ABL2: variants seen among roughly 807,000 people sequenced by gnomAD.
The protein encoded by ABL2 is tyrosine-protein kinase ABL2.
In ABL2, 49 loss-of-function variants were observed where a neutral mutation model predicts 107.7. The observed-to-expected ratio is 0.45, with a 90% CI of 0.36 to 0.58. The LOEUF (loss-of-function observed/expected upper bound fraction) is 0.58, where lower values mean the gene tolerates loss of function less well. ABL2 is among the 20% of genes least tolerant of loss of function. The pLI is 0.00. For synonymous variants in ABL2, 549 were observed against 548.6 expected, an observed-to-expected ratio of 1.00 and a Z score of -0.01; for missense variants, 1,245 against 1,457.0, an observed-to-expected ratio of 0.85 and a Z score of 2.37.
chr1:179,173,165 G>A (rs1405809310), intron 1 of ABL2, among the ~76,000 whole-genome samples: 3 of 150,140 alleles, frequency 2.0e-5, no homozygotes, highest in Non-Finnish European at 3.0e-5. Flanking sequence ...ACTCCAGCCT[G>A]GGCGACAAGA....
At chr1:179,121,425 A>T (rs1655185818) in intron 5 of ABL2, among the ~76,000 whole-genome samples, 170 bp downstream of exon 5, 1 of 152,128 alleles carries the variant, frequency 6.6e-6, no homozygotes, top group Non-Finnish European at 1.5e-5. Flanking sequence ...TGAATAATCT[A>T]CCTCTGCATT....
intron 1 of ABL2, among the ~76,000 whole-genome samples, chr1:179,136,514 T>C (rs929435865): frequency 6.7e-6 from 1 of 150,364 alleles, no homozygotes; most frequent in African/African-American, 2.4e-5. Context: ...GAAGGCAGCA[T>C]GCTCCTTAAG....
intron 1 of ABL2, among the ~76,000 whole-genome samples, chr1:179,160,303 C>T (rs866442096): frequency 6.6e-6 from 1 of 151,806 alleles, no homozygotes; most frequent in Admixed American, 6.6e-5. Context: ...CACCTGAGGC[C>T]AGGAGTTCAA....
At chr1:179,189,212 T>A (rs550186692) in intron 1 of ABL2, among the ~76,000 whole-genome samples, 1 of 152,154 alleles carries the variant, frequency 6.6e-6, no homozygotes, top group Non-Finnish European at 1.5e-5. Flanking sequence ...CTAGGCTCAC[T>A]GCAACCTTCG....
intron 1 of ABL2, among the ~76,000 whole-genome samples, chr1:179,225,817 G>A (rs943810386): frequency 1.8e-4 from 28 of 152,056 alleles, no homozygotes; most frequent in African/African-American, 5.5e-4. Context: ...CGAAGAGGGC[G>A]GATCATGAGG....
At chr1:179,143,736 G>A (rs777279606) in intron 1 of ABL2, among the ~76,000 whole-genome samples, 62 of 152,052 alleles carry the variant, frequency 4.1e-4, no homozygotes, top group Non-Finnish European at 7.6e-4. Flanking sequence ...TCGCTCTGTC[G>A]CCCAGGCTGG....
chr1:179,197,367 A>G (rs1661377571), intron 1 of ABL2, among the ~76,000 whole-genome samples: 1 of 152,124 alleles, frequency 6.6e-6, no homozygotes. Context: ...ATAATAAAAA[A>G]TATATATTGA....
chr1:179,142,778 CTA>C (rs1197231799), intron 1 of ABL2, among the ~76,000 whole-genome samples: 2 of 152,164 alleles, frequency 1.3e-5, no homozygotes, highest in African/African-American at 2.4e-5. Flanking sequence ...TGAGATCCTA[CTA>C]TGAGATATTC....
chr1:179,112,088 G>T (rs902412866), intron 10 of ABL2, among the ~76,000 whole-genome samples: 3 of 151,554 alleles, frequency 2.0e-5, no homozygotes, highest in Non-Finnish European at 2.9e-5. Flanking sequence ...TAAATATTCA[G>T]CTATATGGTT....
chr1:179,112,028 G>C (rs1364343470), intron 10 of ABL2, among the ~76,000 whole-genome samples: 1 of 151,520 alleles, frequency 6.6e-6, no homozygotes, highest in Non-Finnish European at 1.5e-5. Flanking sequence ...CTGGGTGATA[G>C]AGTGAGACTC....
At chr1:179,154,422 A>C (rs1175963875) in intron 1 of ABL2, among the ~76,000 whole-genome samples, 1 of 152,214 alleles carries the variant, frequency 6.6e-6, no homozygotes, top group Non-Finnish European at 1.5e-5. Flanking sequence ...AAGGAAATAG[A>C]GGACTTGCTA....
intron 1 of ABL2, among the ~76,000 whole-genome samples, chr1:179,198,401 A>G (rs1038794112): frequency 8.5e-5 from 13 of 152,106 alleles, no homozygotes; most frequent in Admixed American, 8.5e-4. Context: ...TATTTTTAAA[A>G]AACCCACCCA....
At chr1:179,139,428 A>C (rs1179802728) in intron 1 of ABL2, among the ~76,000 whole-genome samples, 2 of 152,118 alleles carry the variant, frequency 1.3e-5, no homozygotes, top group Non-Finnish European at 2.9e-5. Flanking sequence ...AACAAACTCC[A>C]GACACGCCAC....
chr1:179,110,458 GT>G lies in ABL2; in HGVS notation c.1652-4del. 6.2e-7 allele frequency: 1 copy of G among 1,603,400 alleles called. No individual in the cohort carries two copies. Among genetic ancestry groups the G allele is most frequent in the South Asian group, 1.1e-5 (1 of 88,626 alleles). On this transcript the variant is annotated splice_polypyrimidine_tract_variant and splice_region_variant and intron_variant, in intron 10 of 11. Transcript: ENST00000502732. ...TCTCCCAAGCTCCTCAGCTACCTCT[GT>G]GAGGAAGACAAGGGGACCAATAAAA...
intron 1 of ABL2, among the ~76,000 whole-genome samples, chr1:179,228,358 A>G (rs1367894202): frequency 6.6e-6 from 1 of 152,256 alleles, no homozygotes; most frequent in African/African-American, 2.4e-5. Flanking sequence ...AAAAAAACAA[A>G]AACAAAAACA....
chr1:179,211,576 C>T (rs1353750257), intron 1 of ABL2, among the ~76,000 whole-genome samples: 1 of 151,670 alleles, frequency 6.6e-6, no homozygotes, highest in Non-Finnish European at 1.5e-5. Flanking sequence ...ATACAGTAAT[C>T]AAAGGAAAAA....
At chr1:179,124,464 C>CTTTTTTTTTTTTTTTTTT (rs562899587) in intron 4 of ABL2, among the ~76,000 whole-genome samples, 4 of 83,350 alleles carry the variant, frequency 4.8e-5, no homozygotes, top group Non-Finnish European at 4.1e-5. Flanking sequence ...TTAGCTTCTG[C>CTTTTTTTTTTTTTTTTTT]TTTTTTTTTT....
At chr1:179,134,837 C>A (rs1334356112) in intron 1 of ABL2, among the ~76,000 whole-genome samples, 1 of 152,224 alleles carries the variant, frequency 6.6e-6, no homozygotes, top group Non-Finnish European at 1.5e-5. Context: ...CTGCCTGATT[C>A]TCCTGCCTCA....
chr1:179,147,793 T>C (rs78235753), intron 1 of ABL2, among the ~76,000 whole-genome samples: 2 of 152,304 alleles, frequency 1.3e-5, no homozygotes, highest in South Asian at 2.1e-4. Context: ...ACTTCACCAC[T>C]AGGCAATATA....
Sources: gnomAD v4.1 joint callset for allele counts (sites outside exome capture counted in the v4.1 genomes callset) on GRCh38, gnomAD v4.1.1 for gene constraint, MANE v1.5 for transcripts, NCBI Gene and HGNC (gene_info 2026-07-23, HGNC 2026-07-21) for gene names.